The following UNC13C variants were observed in gnomAD, a reference collection of about 807,000 sequenced individuals.
UNC13C encodes protein unc-13 homolog C.
In UNC13C, 174 loss-of-function variants were observed where a neutral mutation model predicts 245.4. The ratio of observed to expected loss-of-function variants is 0.71; its 90% CI spans 0.63 to 0.80. The LOEUF is 0.80. Ranked by LOEUF, UNC13C falls within the 30% of genes least tolerant of loss-of-function variation. UNC13C has a pLI of 0.00. For missense variants in UNC13C, 2,829 were observed against 2,602.9 expected, an observed-to-expected ratio of 1.09 and a Z score of -1.89; for synonymous variants, 992 against 895.1, an observed-to-expected ratio of 1.11 and a Z score of -1.93.
chr15:54,434,320 T>C (rs2040935392), intron 19 of UNC13C, among the ~76,000 whole-genome samples: 1 of 152,056 alleles, frequency 6.6e-6, no homozygotes, highest in Non-Finnish European at 1.5e-5. Context: ...GGCATCACAC[T>C]ACCTGACATC....
the UNC13C span, among the ~76,000 whole-genome samples, chr15:53,955,079 A>G: frequency 6.6e-6 from 1 of 152,230 alleles, no homozygotes; most frequent in South Asian, 2.1e-4. Context: ...GTTCAGTAGC[A>G]TAAGTGCCAG....
intron 27 of UNC13C, among the ~76,000 whole-genome samples, chr15:54,549,158 G>A (rs751136641): frequency 4.9e-4 from 74 of 152,200 alleles, no homozygotes; most frequent in Non-Finnish European, 8.4e-4. Context: ...AGGGCCTTGG[G>A]GTTCTAGAGA....
chr15:54,609,069 T>C (rs892885453), intron 30 of UNC13C, among the ~76,000 whole-genome samples: 1 of 152,220 alleles, frequency 6.6e-6, no homozygotes, highest in African/African-American at 2.4e-5. Context: ...CCAAATGTTC[T>C]GAACCCTGGG....
intron 1 of UNC13C, among the ~76,000 whole-genome samples, chr15:53,995,138 T>A (rs1261318521): frequency 6.6e-6 from 1 of 152,124 alleles, no homozygotes; most frequent in Non-Finnish European, 1.5e-5. Flanking sequence ...TTTGAGATGT[T>A]AATGGTTATA....
chr15:54,140,446 C>G (rs2031963186), intron 2 of UNC13C, among the ~76,000 whole-genome samples: 2 of 152,046 alleles, frequency 1.3e-5, no homozygotes, highest in South Asian at 4.1e-4. Context: ...TCAAGGAGCT[C>G]AAATTCTGAA....
At chr15:54,489,205 A>C (rs528214592) in intron 19 of UNC13C, among the ~76,000 whole-genome samples, 1 of 152,304 alleles carries the variant, frequency 6.6e-6, no homozygotes, top group East Asian at 1.9e-4. Flanking sequence ...TTTTTATAGA[A>C]TCATTTAAGA....
At chr15:54,535,686 CT>C (rs1484013655) in intron 26 of UNC13C, among the ~76,000 whole-genome samples, 2 of 152,086 alleles carry the variant, frequency 1.3e-5, no homozygotes, top group African/African-American at 4.8e-5. Context: ...GAAATTAATA[CT>C]AAGATGATCT....
In UNC13C at chr15:54,546,781, T is replaced by C. The variant is rs1485120925; in HGVS notation, c.5756T>C (p.Leu1919Ser). The C allele has an allele frequency of 1.9e-6, 3 of 1,564,264 alleles. No individual in the cohort carries two copies. Among genetic ancestry groups the C allele is most frequent in the Non-Finnish European group, 1.7e-6 (2 of 1,153,100 alleles). Reference protein sequence around the residue: ...KTVLKRVLKELWKLVLNKIEK... With the variant: ...KTVLKRVLKESWKLVLNKIEK... ...GTCCTAAAGCGAGTTTTAAAAGAGT[T>C]ATGGAAGCTAGTTCTCAACAAAATA... The change falls in exon 27 of 33, where the codon TTA becomes TCA. Residue 1919 changes from leucine to serine, a missense_variant. Leu to Ser is a moderately radical substitution (Grantham distance 145, BLOSUM62 -2). Transcript: ENST00000260323.
intron 28 of UNC13C, among the ~76,000 whole-genome samples, chr15:54,552,448 TATA>T (rs751207474): frequency 0.056 from 116 of 2,070 alleles, 2 homozygotes; most frequent in South Asian, 0.14. Flanking sequence ...TATTACAATA[TATA>T]ATATAATTAT....
intron 19 of UNC13C, among the ~76,000 whole-genome samples, chr15:54,475,592 A>G (rs1337988398): frequency 6.6e-6 from 1 of 151,534 alleles, no homozygotes; most frequent in Non-Finnish European, 1.5e-5. Flanking sequence ...TTTACTGAGA[A>G]TGATGATTTC....
intron 17 of UNC13C, among the ~76,000 whole-genome samples, chr15:54,346,616 C>T (rs567404524): frequency 5.3e-5 from 8 of 152,234 alleles, no homozygotes; most frequent in Admixed American, 2.0e-4. Context: ...AAAGGAAAAT[C>T]GATTTGATAG....
At chr15:54,630,036 G>A (rs984130448), downstream of UNC13C, 12 of 152,116 alleles carry the variant, frequency 7.9e-5, no homozygotes, top group Admixed American at 4.6e-4. Flanking sequence ...TCACTCTAAG[G>A]TTCCCAGTGA....
chr15:54,162,836 A>C (rs557846472), intron 4 of UNC13C, among the ~76,000 whole-genome samples: 1 of 152,304 alleles, frequency 6.6e-6, no homozygotes, highest in East Asian at 1.9e-4. Context: ...TCCCTTGTTA[A>C]AACTCAACAA....
At chr15:53,933,611 C>A in the UNC13C span, among the ~76,000 whole-genome samples, 2 of 152,138 alleles carry the variant, frequency 1.3e-5, no homozygotes, top group Non-Finnish European at 2.9e-5. Flanking sequence ...AGCCATAGAC[C>A]TTAACACGCA....
intron 19 of UNC13C, among the ~76,000 whole-genome samples, chr15:54,415,813 A>G (rs1316782564): frequency 6.6e-6 from 1 of 152,126 alleles, no homozygotes; most frequent in Non-Finnish European, 1.5e-5. Context: ...CAAGAATGCA[A>G]ACAGTTGCAA....
At chr15:54,142,081 G>T (rs1347189655) in intron 2 of UNC13C, among the ~76,000 whole-genome samples, 1 of 152,168 alleles carries the variant, frequency 6.6e-6, no homozygotes, top group Non-Finnish European at 1.5e-5. Context: ...CCAGTTTTAT[G>T]CTAATAAGCA....
chr15:54,204,781 G>C (rs936230069), intron 4 of UNC13C, among the ~76,000 whole-genome samples: 4 of 151,922 alleles, frequency 2.6e-5, no homozygotes, highest in Non-Finnish European at 5.9e-5. Flanking sequence ...ATTCAGGATA[G>C]TAGTTAACTT....
the UNC13C span, among the ~76,000 whole-genome samples, chr15:53,841,115 G>A: frequency 5.3e-5 from 8 of 152,004 alleles, no homozygotes; most frequent in African/African-American, 9.7e-5. Context: ...TGTGTGCCAC[G>A]CAATTCATAT....
At chr15:53,940,803 C>CA in the UNC13C span, among the ~76,000 whole-genome samples, 1 of 152,050 alleles carries the variant, frequency 6.6e-6, no homozygotes, top group African/African-American at 2.4e-5. Context: ...AACCACTGCT[C>CA]AAGGAAATCA....
Sources: gnomAD v4.1 joint callset for allele counts (sites outside exome capture counted in the v4.1 genomes callset) on GRCh38, gnomAD v4.1.1 for gene constraint, MANE v1.5 for transcripts, NCBI Gene and HGNC (gene_info 2026-07-23, HGNC 2026-07-21) for gene names.